The following TFEC variants were observed in gnomAD, a reference collection of about 807,000 sequenced individuals.
The protein encoded by TFEC is class E basic helix-loop-helix protein 34.
Under a neutral mutation model 41.6 loss-of-function variants are expected in TFEC, and 31 were observed. The observed-to-expected ratio is 0.74, with a 90% CI of 0.56 to 1.01. The LOEUF (loss-of-function observed/expected upper bound fraction) is 1.01, where lower values mean the gene tolerates loss of function less well. Among genes scored for constraint, TFEC ranks in the 50% least tolerant of loss-of-function variants. The pLI is 0.00. For synonymous variants in TFEC, 143 were observed against 140.6 expected (o/e 1.02, Z -0.12); for missense variants, 402 against 404.1 (o/e 0.99, Z 0.04).
chr7:116,029,230 T>C (rs1236409700), intron 1 of TFEC, among the ~76,000 whole-genome samples: 1 of 152,072 alleles, frequency 6.6e-6, no homozygotes, highest in Non-Finnish European at 1.5e-5. Flanking sequence ...ATTATATGTA[T>C]TCCATTTGTT....
At chr7:116,020,354 A>G (rs1795347758) in intron 1 of TFEC, among the ~76,000 whole-genome samples, 1 of 152,216 alleles carries the variant, frequency 6.6e-6, no homozygotes, top group Non-Finnish European at 1.5e-5. Flanking sequence ...GTACATTTTT[A>G]TAGCTAAAGA....
At chr7:115,977,177 C>A (rs1210739671) in intron 2 of TFEC, among the ~76,000 whole-genome samples, 5 of 152,046 alleles carry the variant, frequency 3.3e-5, no homozygotes, top group African/African-American at 1.2e-4. Flanking sequence ...AAAAAACACA[C>A]CATTTTGTAT....
chr7:116,040,695 C>G (rs1006790679), intron 3 of TFEC, among the ~76,000 whole-genome samples: 1 of 152,104 alleles, frequency 6.6e-6, no homozygotes, highest in African/African-American at 2.4e-5. Flanking sequence ...ACATGCACAA[C>G]GCCTAGCTTC....
intron 2 of TFEC, among the ~76,000 whole-genome samples, chr7:115,981,489 A>G (rs914787137): frequency 6.6e-6 from 1 of 152,182 alleles, no homozygotes; most frequent in African/African-American, 2.4e-5. Flanking sequence ...TAACTTATAA[A>G]TTTGCCAAAA....
Position 116,119,830 on chromosome 7 carries a change from T to A in TFEC, c.-68-7792A>T, listed in dbSNP as rs2402032. 3.5e-3 allele frequency among the ~76,000 whole-genome samples: 538 copies of A among 151,580 alleles called. 11 individuals are homozygous for A. The highest frequency in any genetic ancestry group is 3.1e-3 in the East Asian group (16 of 5,138). On this transcript the variant is annotated intron_variant, in intron 1 of 8. Transcript: ENST00000484212. ...TTTATCATAGTCTTGTTTGAAATAC[T>A]TCTCCCAAAAGGAATTTAAACAGTG...
chr7:115,950,954 TAAAG>T lies in TFEC; in HGVS notation c.440-9_440-6del. 1 of 1,536,966 alleles carries T rather than the reference TAAAG, an allele frequency of 6.5e-7. No individual in the cohort carries two copies. Among genetic ancestry groups the T allele is most frequent in the Non-Finnish European group, 8.9e-7 (1 of 1,118,452 alleles). On this transcript the variant is annotated splice_region_variant and splice_polypyrimidine_tract_variant and intron_variant, in intron 5 of 7. Coordinates refer to ENST00000265440, the MANE Select transcript of TFEC (RefSeq NM_012252.4). ...TATACCTTCTTCTTCTTTCAACTAT[TAAAG>T]AAGAAATATTATTGATTATTCTCAT...
At chr7:116,100,369 T>C (rs1797576472) in intron 3 of TFEC, among the ~76,000 whole-genome samples, 1 of 152,202 alleles carries the variant, frequency 6.6e-6, no homozygotes, top group Non-Finnish European at 1.5e-5. Context: ...TGAAATTTAC[T>C]ACTCAAGCTA....
intron 3 of TFEC, among the ~76,000 whole-genome samples, chr7:116,073,489 T>C (rs769419428): frequency 4.0e-5 from 6 of 151,754 alleles, no homozygotes; most frequent in Non-Finnish European, 7.4e-5. Flanking sequence ...CTGGGATACA[T>C]GTGCAGAACA....
chr7:116,048,343 T>C (rs1290868825), intron 3 of TFEC, among the ~76,000 whole-genome samples: 1 of 152,226 alleles, frequency 6.6e-6, no homozygotes, highest in East Asian at 1.9e-4. Context: ...CACACAAGCT[T>C]CAGTAACTGA....
intron 3 of TFEC, among the ~76,000 whole-genome samples, chr7:116,073,008 A>G (rs997307286): frequency 2.0e-5 from 3 of 151,420 alleles, no homozygotes; most frequent in African/African-American, 7.2e-5. Context: ...AAATAATTAA[A>G]CAAAAAAATA....
Position 116,127,103 on chromosome 7 carries a change from G to GT in TFEC, c.-68-15066dup, listed in dbSNP as rs376847718. Among the ~76,000 whole-genome samples, 1,292 of 148,776 alleles carry GT rather than the reference G, an allele frequency of 8.7e-3. 21 individuals are homozygous for GT. The highest frequency in any genetic ancestry group is 0.028 in the African/African-American group (1,140 of 40,618). On this transcript the variant is annotated intron_variant, in intron 1 of 8. Transcript: ENST00000484212. ...GCTTTGGTTTTTGTTTTTGTTTTTT[G>GT]TTTTTTGTTTTTGAGACGGAGTCTG...
At chr7:115,975,043 T>C (rs1439924775) in intron 2 of TFEC, among the ~76,000 whole-genome samples, 1 of 152,068 alleles carries the variant, frequency 6.6e-6, no homozygotes, top group Non-Finnish European at 1.5e-5. Flanking sequence ...CCAGATTATA[T>C]AGTGAGTGAG....
At chr7:116,131,198 C>T (rs1798324782) in intron 1 of TFEC, among the ~76,000 whole-genome samples, 1 of 152,260 alleles carries the variant, frequency 6.6e-6, no homozygotes, top group Middle Eastern at 3.4e-3. Flanking sequence ...ACAGATGTGA[C>T]TGCATTTTCA....
intron 1 of TFEC, among the ~76,000 whole-genome samples, chr7:116,154,074 C>T (rs952366274): frequency 2.0e-5 from 3 of 152,176 alleles, no homozygotes; most frequent in Non-Finnish European, 2.9e-5. Context: ...CTAACCATTG[C>T]CTTGAAACAG....
chr7:115,953,093 C>T (rs1336480996), intron 5 of TFEC, among the ~76,000 whole-genome samples: 1 of 151,892 alleles, frequency 6.6e-6, no homozygotes, highest in Non-Finnish European at 1.5e-5. Context: ...GTATATGGAG[C>T]TTGAATGTAC....
intron 1 of TFEC, among the ~76,000 whole-genome samples, chr7:116,005,480 G>A (rs1044584186): frequency 1.1e-4 from 16 of 152,178 alleles, no homozygotes; most frequent in African/African-American, 3.4e-4. Flanking sequence ...TGCCCCTGCT[G>A]TAGAGATTTG....
In TFEC at chr7:115,940,318, G is replaced by T; in HGVS notation, c.*233C>A. On this transcript the variant is annotated 3_prime_UTR_variant, in exon 8 of 8. Transcript: ENST00000265440. The stretch of plus-strand genomic sequence containing the variant: ...CTTTTCAGGAAAACAGAATTTAAGT[G>T]GATTTGGACTCCGTAGTCAAAGAAG... The T allele has an allele frequency of 2.4e-6, 1 of 416,618 alleles. No homozygotes were observed. Among genetic ancestry groups the T allele is most frequent in the Non-Finnish European group, 4.3e-6 (1 of 233,734 alleles). The allele number at this position is 416,618 out of a possible 1,614,324, so 25.8% of individuals were successfully genotyped here.
intron 3 of TFEC, among the ~76,000 whole-genome samples, chr7:116,062,599 A>ATATATATATATATATC (rs1400618373): frequency 8.3e-6 from 1 of 119,984 alleles, no homozygotes; most frequent in South Asian, 2.6e-4. Context: ...ATATATATAT[A>ATATATATATATATATC]TCACATTTTT....
chr7:116,139,253 A>G (rs1798492429), intron 1 of TFEC, among the ~76,000 whole-genome samples: 1 of 152,198 alleles, frequency 6.6e-6, no homozygotes, highest in Non-Finnish European at 1.5e-5. Flanking sequence ...AAAAAGTACA[A>G]GAGCGTTCTG....
Sources: allele counts gnomAD v4.1 joint callset (sites outside exome capture counted in the v4.1 genomes callset), GRCh38; gene constraint gnomAD v4.1.1; transcripts MANE v1.5; gene names NCBI Gene and HGNC (gene_info 2026-07-23, HGNC 2026-07-21).